The following CUL1 variants were observed in gnomAD, a reference collection of about 807,000 sequenced individuals.
The protein encoded by CUL1 is cullin 1.
In CUL1, 24 loss-of-function variants were observed where a neutral mutation model predicts 118.0. The ratio of observed to expected loss-of-function variants is 0.20; its 90% CI spans 0.15 to 0.29. CUL1 has a LOEUF of 0.29. CUL1 is among the 10% of genes least tolerant of loss of function. CUL1 has a pLI of 1.00. For synonymous variants in CUL1, 332 were observed against 340.4 expected (o/e 0.98, Z 0.27); for missense variants, 361 against 933.8 (o/e 0.39, Z 7.99).
At chr7:148,781,115 A>C (rs1311628225) in intron 9 of CUL1, among the ~76,000 whole-genome samples, 3 of 97,968 alleles carry the variant, frequency 3.1e-5, no homozygotes, top group African/African-American at 1.3e-4. Context: ...AGAGTCTCGC[A>C]CCGTCACCTG....
intron 1 of CUL1, among the ~76,000 whole-genome samples, chr7:148,713,882 C>A (rs995872658): frequency 2.6e-5 from 4 of 152,122 alleles, no homozygotes; most frequent in Non-Finnish European, 5.9e-5. Flanking sequence ...TGCCACCACA[C>A]CAGGCAAATT....
chr7:148,799,814 C>T (rs895916390), intron 21 of CUL1, among the ~76,000 whole-genome samples: 2 of 152,186 alleles, frequency 1.3e-5, no homozygotes, highest in South Asian at 2.1e-4. Flanking sequence ...GCAGTATCTT[C>T]GGGAGGTTCG....
chr7:148,778,029 C>T (rs1362488671), intron 9 of CUL1, among the ~76,000 whole-genome samples: 3 of 136,178 alleles, frequency 2.2e-5, no homozygotes, highest in African/African-American at 8.4e-5. Flanking sequence ...TGCCACTGCA[C>T]TCCTGCACTC....
intron 1 of CUL1, among the ~76,000 whole-genome samples, chr7:148,708,379 C>T (rs1333530078): frequency 6.6e-6 from 1 of 152,144 alleles, no homozygotes; most frequent in African/African-American, 2.4e-5. Flanking sequence ...TTTGTTTGTC[C>T]ATATTCAGTG....
intron 4 of CUL1, among the ~76,000 whole-genome samples, chr7:148,758,375 A>C (rs963098955): frequency 6.6e-6 from 1 of 152,214 alleles, no homozygotes; most frequent in Non-Finnish European, 1.5e-5. Flanking sequence ...AAGAAAAACA[A>C]TGCTGGTTGC....
chr7:148,780,901 G>A (rs967834973), intron 9 of CUL1, among the ~76,000 whole-genome samples: 2 of 151,686 alleles, frequency 1.3e-5, no homozygotes, highest in African/African-American at 4.9e-5. Context: ...ACCTGTCTTC[G>A]TTGTTTACCT....
chr7:148,761,324 A>G (rs1194091619), intron 7 of CUL1, among the ~76,000 whole-genome samples: 1 of 152,176 alleles, frequency 6.6e-6, no homozygotes, highest in South Asian at 2.1e-4. Context: ...CCTGACCAAC[A>G]TGGTGAAACC....
chr7:148,786,281 A>G (rs1800811189), intron 11 of CUL1, among the ~76,000 whole-genome samples: 1 of 152,228 alleles, frequency 6.6e-6, no homozygotes. Flanking sequence ...AAACTTCTTC[A>G]GAATGTTTTT....
At chr7:148,780,876 CCT>C (rs1398040335) in intron 9 of CUL1, among the ~76,000 whole-genome samples, 4 of 152,108 alleles carry the variant, frequency 2.6e-5, no homozygotes, top group Non-Finnish European at 5.9e-5. Context: ...TGATCTCTCT[CCT>C]CTCTGTTTTA....
intron 1 of CUL1, among the ~76,000 whole-genome samples, chr7:148,714,342 C>G (rs1390351048): frequency 6.6e-6 from 1 of 152,072 alleles, no homozygotes; most frequent in Non-Finnish European, 1.5e-5. Context: ...GCAGTTTTTT[C>G]TCTTTTGTTT....
chr7:148,704,902 G>A (rs955560183), intron 1 of CUL1, among the ~76,000 whole-genome samples: 1 of 152,110 alleles, frequency 6.6e-6, no homozygotes, highest in Admixed American at 6.6e-5. Flanking sequence ...TCCCAAAACA[G>A]GAGAAGCAGG....
At chr7:148,783,204 T>A in intron 9 of CUL1, 4 of 333,942 alleles carry the variant, frequency 1.2e-5, no homozygotes, top group Non-Finnish European at 1.7e-5. Flanking sequence ...ATGTTGTTCC[T>A]TGTTCCGGGG....
Position 148,789,637 on chromosome 7 carries a change from G to T in CUL1, c.1598-113G>T, listed in dbSNP as rs991273034. On this transcript the variant is annotated intron_variant, in intron 14 of 21. Coordinates refer to ENST00000325222, the MANE Select transcript of CUL1 (RefSeq NM_003592.3). Reference sequence around the variant, plus strand: ...TATTCAAGCAGGATTTTTATTTAATGTGCTTTTTAATAAAGAGCAATCCAC... The same window carrying T: ...TATTCAAGCAGGATTTTTATTTAATTTGCTTTTTAATAAAGAGCAATCCAC... 6.5e-6 allele frequency: 5 copies of T among 767,016 alleles called. No homozygotes were observed. The Admixed American group carries it at 9.7e-5, about 15-fold the overall frequency. The allele number at this position is 767,016 out of a possible 1,614,324, so 47.5% of individuals were successfully genotyped here.
intron 9 of CUL1, among the ~76,000 whole-genome samples, chr7:148,783,022 G>T (rs1558420): frequency 0.71 from 107,203 of 152,028 alleles, 38,291 homozygotes; most frequent in African/African-American, 0.81. Context: ...AGCACCTGCT[G>T]CCCAGTGTGG....
intron 2 of CUL1, among the ~76,000 whole-genome samples, chr7:148,732,309 T>C (rs1363652835): frequency 6.6e-6 from 1 of 152,090 alleles, no homozygotes; most frequent in Non-Finnish European, 1.5e-5. Context: ...AAATCCACCT[T>C]ATTGAGATGT....
upstream of CUL1, chr7:148,698,840 G>T: frequency 6.5e-6 from 1 of 154,168 alleles, no homozygotes; most frequent in South Asian, 1.8e-4. Flanking sequence ...GCGGCGGCGG[G>T]AGGAGGAGGG....
chr7:148,723,789 C>CTTT (rs3059219), intron 1 of CUL1, among the ~76,000 whole-genome samples: 63 of 145,188 alleles, frequency 4.3e-4, no homozygotes, highest in East Asian at 1.2e-3. Context: ...CAGCACAGAT[C>CTTT]TTTTTTTTTT....
intron 9 of CUL1, chr7:148,783,282 G>GGCATCGCCACGCGGAT: frequency 1.0e-6 from 1 of 972,712 alleles, no homozygotes; most frequent in Non-Finnish European, 1.2e-6. Flanking sequence ...CCTGGCCCCC[G>GGCATCGCCACGCGGAT]GCATCGCCAC....
chr7:148,775,665 T>A (rs1800370147), intron 9 of CUL1, among the ~76,000 whole-genome samples: 1 of 152,234 alleles, frequency 6.6e-6, no homozygotes, highest in Admixed American at 6.5e-5. Flanking sequence ...ATACATTGAT[T>A]CATATAGCAC....
Sources: allele counts gnomAD v4.1 joint callset (sites outside exome capture counted in the v4.1 genomes callset), GRCh38; gene constraint gnomAD v4.1.1; transcripts MANE v1.5; gene names NCBI Gene and HGNC (gene_info 2026-07-23, HGNC 2026-07-21).